Variants in ETV6 observed in about 807,000 individuals in gnomAD.
ETV6 encodes ETS variant transcription factor 6.
ETV6 carries 16 observed loss-of-function variants against 51.1 expected under a neutral mutation model. The observed-to-expected ratio is 0.31, with a 90% confidence interval of 0.21 to 0.48. The LOEUF is 0.48. Among genes scored for constraint, ETV6 ranks in the 20% least tolerant of loss-of-function variants. The probability of loss-of-function intolerance (pLI) is 0.99; values close to 1 mark genes in which losing one functional copy is unlikely to be tolerated. For synonymous variants in ETV6, 240 were observed against 224.1 expected (o/e 1.07, Z -0.64); for missense variants, 458 against 594.8 (o/e 0.77, Z 2.39).
intron 7 of ETV6, among the ~76,000 whole-genome samples, chr12:11,887,734 G>A (rs371974717): frequency 9.8e-4 from 142 of 145,588 alleles, no homozygotes; most frequent in African/African-American, 2.5e-3. Flanking sequence ...GTGACAGAGC[G>A]AGACTCCATC....
chr12:11,727,676 C>T (rs913831591), intron 1 of ETV6, among the ~76,000 whole-genome samples: 3 of 79,840 alleles, frequency 3.8e-5, no homozygotes, highest in African/African-American at 9.9e-5. Flanking sequence ...GCCAGCGTTA[C>T]AGCACACGTC....
chr12:11,850,069 C>T (rs1263697400), intron 3 of ETV6, among the ~76,000 whole-genome samples: 1 of 152,124 alleles, frequency 6.6e-6, no homozygotes, highest in Non-Finnish European at 1.5e-5. Flanking sequence ...TACCCAGGAC[C>T]TCGGGTCCAT....
At position 11,816,106 on chromosome 12, in the gene ETV6, G is replaced by A. The variant is rs143866981; in HGVS notation, c.164-23034G>A. On this transcript the variant is annotated intron_variant, in intron 2 of 7. Coordinates refer to ENST00000396373, the MANE Select transcript of ETV6 (RefSeq NM_001987.5). ...GTGGCACATGCGAAGGCCAGAGAAT[G>A]CAGTGCCTCTGAGAACTGTCAGATG... Among the ~76,000 whole-genome samples the A allele has an allele frequency of 4.8e-3, 731 of 152,306 alleles. 6 individuals carry two copies. Among genetic ancestry groups the A allele is most frequent in the Non-Finnish European group, 4.6e-3 (314 of 68,020 alleles).
At chr12:11,759,497 A>C (rs1421966268) in intron 2 of ETV6, among the ~76,000 whole-genome samples, 2 of 152,244 alleles carry the variant, frequency 1.3e-5, no homozygotes, top group African/African-American at 2.4e-5. Flanking sequence ...AGGTTATAGC[A>C]GACTAAGAGA....
chr12:11,886,109 G>T, intron 7 of ETV6, 83 bp downstream of exon 7: 1 of 954,280 alleles, frequency 1.0e-6, no homozygotes, highest in Non-Finnish European at 1.7e-6. Context: ...AGACTGTTAA[G>T]ATCTCTACCT....
At chr12:11,676,622 T>C (rs951420706) in intron 1 of ETV6, among the ~76,000 whole-genome samples, 1 of 152,262 alleles carries the variant, frequency 6.6e-6, no homozygotes, top group Non-Finnish European at 1.5e-5. Context: ...GGGTCTTTTC[T>C]TGAACTCCTC....
At chr12:11,850,244 C>T (rs916939028) in intron 3 of ETV6, among the ~76,000 whole-genome samples, 1 of 152,170 alleles carries the variant, frequency 6.6e-6, no homozygotes, top group African/African-American at 2.4e-5. Flanking sequence ...TCTGACCCTG[C>T]TCCCTTGGCC....
intron 1 of ETV6, among the ~76,000 whole-genome samples, chr12:11,750,402 G>A (rs1221986919): frequency 1.3e-5 from 2 of 152,192 alleles, no homozygotes; most frequent in African/African-American, 4.8e-5. Context: ...TGGGGCAGGC[G>A]GGGATGAGGC....
chr12:11,722,674 T>C (rs1865411277), intron 1 of ETV6, among the ~76,000 whole-genome samples: 1 of 152,190 alleles, frequency 6.6e-6, no homozygotes, highest in Non-Finnish European at 1.5e-5. Context: ...GAAGTTACTC[T>C]CCCAAACCCC....
Position 11,852,212 on chromosome 12 carries a change from T to G in ETV6, c.329-1215T>G, listed in dbSNP as rs149262835. Among the ~76,000 whole-genome samples the G allele has an allele frequency of 3.9e-4, 60 of 152,314 alleles. 1 individual carries two copies. Among genetic ancestry groups the G allele is most frequent in the Middle Eastern group, 6.8e-3 (2 of 294 alleles). Reference sequence around the variant, plus strand: ...CAAGACCATGACAGGTTTTGGGGTTTGTTTATTTTTTGCTAATTACTCGTG... The same window carrying G: ...CAAGACCATGACAGGTTTTGGGGTTGGTTTATTTTTTGCTAATTACTCGTG... On this transcript the variant is annotated intron_variant, in intron 3 of 7. Coordinates refer to ENST00000396373, the MANE Select transcript of ETV6 (RefSeq NM_001987.5).
At chr12:11,722,789 T>C (rs1204496067) in intron 1 of ETV6, among the ~76,000 whole-genome samples, 1 of 152,228 alleles carries the variant, frequency 6.6e-6, no homozygotes, top group East Asian at 1.9e-4. Flanking sequence ...GATGTTTTCT[T>C]ATCTGCCTTA....
chr12:11,682,250 A>T (rs886124309), intron 1 of ETV6, among the ~76,000 whole-genome samples: 1 of 152,144 alleles, frequency 6.6e-6, no homozygotes, highest in Non-Finnish European at 1.5e-5. Flanking sequence ...CTTTTTAATG[A>T]TCGCCATTCT....
At chr12:11,835,394 T>A (rs1946302801) in intron 2 of ETV6, among the ~76,000 whole-genome samples, 1 of 152,252 alleles carries the variant, frequency 6.6e-6, no homozygotes. Context: ...CATTAACATC[T>A]ATATTCTTTG....
intron 1 of ETV6, among the ~76,000 whole-genome samples, chr12:11,744,191 C>T (rs1286821767): frequency 6.6e-6 from 1 of 152,122 alleles, no homozygotes; most frequent in Non-Finnish European, 1.5e-5. Context: ...CTAATGGTGC[C>T]CTTGATACAA....
intron 6 of ETV6, 96 bp from the exon 7 acceptor site, chr12:11,885,830 G>T: frequency 1.2e-6 from 1 of 867,456 alleles, no homozygotes; most frequent in East Asian, 2.6e-5. Context: ...AGCAGCTGAA[G>T]AGCTTTTATT....
Position 11,895,374 on chromosome 12 carries a change from T to G in ETV6, c.*4328T>G, listed in dbSNP as rs1947377784. ...AAGAAAAGCCTATAATTACATCATC[T>G]CAATAAATTTTTTATAAAAAAAAAA... On this transcript the variant is annotated 3_prime_UTR_variant, in exon 8 of 8. Coordinates refer to ENST00000396373, the MANE Select transcript of ETV6 (RefSeq NM_001987.5). The G allele has an allele frequency of 4.6e-6, 1 of 218,124 alleles. No individual in the cohort carries two copies. Among genetic ancestry groups the G allele is most frequent in the African/African-American group, 2.5e-5 (1 of 40,722 alleles). The allele number at this position is 218,124 out of a possible 1,614,324, so 13.5% of individuals were successfully genotyped here. A position where few individuals can be genotyped will look rare whatever the true frequency, so the allele number is the denominator to read the frequency against.
chr12:11,718,586 C>G lies in ETV6; in HGVS notation c.34-33864C>G, dbSNP rs961046551. On this transcript the variant is annotated intron_variant, in intron 1 of 7. Coordinates refer to ENST00000396373, the MANE Select transcript of ETV6 (RefSeq NM_001987.5). ...TTTGAGACCAGCCTGGGCAACATGACGAAACCCCATCGCTACTAAAAAAAA... is the reference window on the plus strand; with the variant it reads ...TTTGAGACCAGCCTGGGCAACATGAGGAAACCCCATCGCTACTAAAAAAAA... 2.1e-5 allele frequency among the ~76,000 whole-genome samples: 3 copies of G among 143,318 alleles called. No homozygotes were observed. The South Asian group carries it at 6.6e-4, about 31-fold the overall frequency. 94.0% of individuals were successfully genotyped at this position (143,318 alleles called of 152,430 possible).
chr12:11,705,970 G>T (rs1865066080), intron 1 of ETV6, among the ~76,000 whole-genome samples: 1 of 151,682 alleles, frequency 6.6e-6, no homozygotes, highest in South Asian at 2.1e-4. Flanking sequence ...TATTGTAGCG[G>T]CAGGAGCTCC....
chr12:11,820,903 G>A (rs1339781322), intron 2 of ETV6, among the ~76,000 whole-genome samples: 1 of 152,198 alleles, frequency 6.6e-6, no homozygotes, highest in African/African-American at 2.4e-5. Context: ...AAGGAACAGT[G>A]GAAGCTGGCA....
Sources: gnomAD v4.1 joint callset for allele counts (sites outside exome capture counted in the v4.1 genomes callset) on GRCh38, gnomAD v4.1.1 for gene constraint, MANE v1.5 for transcripts, NCBI Gene and HGNC (gene_info 2026-07-23, HGNC 2026-07-21) for gene names.